PCDHA2: variants seen among roughly 807,000 people sequenced by gnomAD.
PCDHA2 encodes the protein protocadherin alpha-2.
PCDHA2 carries 58 observed loss-of-function variants against 66.0 expected under a neutral mutation model. The ratio of observed to expected loss-of-function variants is 0.88; its 90% CI spans 0.71 to 1.09. The LOEUF is 1.09. Ranked by LOEUF, PCDHA2 falls within the 50% of genes least tolerant of loss-of-function variation. PCDHA2 has a pLI of 0.00. For missense variants in PCDHA2, 1,267 were observed against 1,242.3 expected (o/e 1.02, Z -0.30); for synonymous variants, 634 against 554.0 (o/e 1.14, Z -2.03).
chr5:140,822,168 G>A (rs782246170), intron 1 of PCDHA2: 5 of 1,614,262 alleles, frequency 3.1e-6, no homozygotes, highest in Non-Finnish European at 3.4e-6. Context: ...ATCCGCCCAG[G>A]TTCTCCAGAC....
At chr5:140,799,684 C>T (rs565147277) in intron 1 of PCDHA2, among the ~76,000 whole-genome samples, 1 of 151,928 alleles carries the variant, frequency 6.6e-6, no homozygotes, top group Admixed American at 6.6e-5. Flanking sequence ...TTATCCTATT[C>T]TAAATATGAA....
chr5:140,935,561 T>C (rs1184981109), intron 1 of PCDHA2, among the ~76,000 whole-genome samples: 3 of 152,218 alleles, frequency 2.0e-5, no homozygotes, highest in African/African-American at 7.2e-5. Context: ...TTGGAAAAGT[T>C]CCTCTCTGTG....
At chr5:140,965,238 A>T (rs540671197) in intron 1 of PCDHA2, among the ~76,000 whole-genome samples, 1 of 152,314 alleles carries the variant, frequency 6.6e-6, no homozygotes, top group African/African-American at 2.4e-5. Flanking sequence ...ACCTGGGAAG[A>T]GTGAATATTC....
chr5:140,998,495 C>T (rs782386986), intron 3 of PCDHA2, among the ~76,000 whole-genome samples: 17 of 152,170 alleles, frequency 1.1e-4, no homozygotes, highest in Non-Finnish European at 1.9e-4. Context: ...TCTTTGAGAA[C>T]AGGGTACTTG....
At chr5:140,825,422 A>G (rs2150139462) in intron 1 of PCDHA2, 1 of 147,148 alleles carries the variant, frequency 6.8e-6, no homozygotes, top group Non-Finnish European at 1.5e-5. Context: ...TATAATATAT[A>G]TAATAAATAT....
intron 1 of PCDHA2, among the ~76,000 whole-genome samples, chr5:140,897,463 T>C (rs573452029): frequency 6.6e-6 from 1 of 151,924 alleles, no homozygotes; most frequent in African/African-American, 2.4e-5. Flanking sequence ...CTTGCGATAG[T>C]TTACTGAGAA....
chr5:140,976,702 A>G (rs782610534), intron 1 of PCDHA2, among the ~76,000 whole-genome samples: 2 of 152,220 alleles, frequency 1.3e-5, no homozygotes, highest in Non-Finnish European at 2.9e-5. Context: ...AATAATGTTG[A>G]CTTTGCATTA....
In PCDHA2 at chr5:140,882,793, C is replaced by A. The variant is rs1176435531; in HGVS notation, c.2388+85441C>A. 2.5e-6 allele frequency: 4 copies of A among 1,614,092 alleles called. No individual in the cohort carries two copies. In the Admixed American group the frequency reaches 6.7e-5, roughly 27 times the overall value. On this transcript the variant is annotated intron_variant, in intron 1 of 3. Coordinates refer to ENST00000526136, the MANE Select transcript of PCDHA2 (RefSeq NM_018905.3). ...CATTGACCTACCGACTGGATCCCAA[C>A]GATTATTTCACTTTGGACGCACAAA... is the stretch of plus-strand genomic sequence containing the variant.
At chr5:140,994,704 CA>C (rs1294993555) in intron 3 of PCDHA2, among the ~76,000 whole-genome samples, 1 of 150,730 alleles carries the variant, frequency 6.6e-6, no homozygotes, top group Non-Finnish European at 1.5e-5. Flanking sequence ...GACCCTGTCT[CA>C]AAAAAAAATT....
At chr5:140,822,973 T>G in intron 1 of PCDHA2, 1 of 1,614,248 alleles carries the variant, frequency 6.2e-7, no homozygotes, top group Non-Finnish European at 8.5e-7. Context: ...GGTGTCCACC[T>G]TCAAGAATTA....
At chr5:140,918,232 A>G (rs2078581718) in intron 1 of PCDHA2, among the ~76,000 whole-genome samples, 1 of 152,166 alleles carries the variant, frequency 6.6e-6, no homozygotes, top group African/African-American at 2.4e-5. Flanking sequence ...ATTTTTGTAC[A>G]TTGATTTTGT....
rs183321184 is a variant in PCDHA2 at position 140,907,756 on chromosome 5, C to G, written c.2389-71193C>G. 7.8e-3 allele frequency among the ~76,000 whole-genome samples: 1,193 copies of G among 152,264 alleles called. 22 individuals carry two copies. The highest frequency in any genetic ancestry group is 0.027 in the African/African-American group (1,101 of 41,546). On this transcript the variant is annotated intron_variant, in intron 1 of 3. Coordinates refer to ENST00000526136, the MANE Select transcript of PCDHA2 (RefSeq NM_018905.3). ...CCACCATGGCCACTTTGTTCATGGGCCCATTGGGTGATGACAGGGGTGGCT... is the reference window on the plus strand; with the variant it reads ...CCACCATGGCCACTTTGTTCATGGGGCCATTGGGTGATGACAGGGGTGGCT...
Position 140,797,235 on chromosome 5 carries a change from G to T in PCDHA2, c.2271G>T (p.Arg757Ser). 1.2e-6 allele frequency: 2 copies of T among 1,614,188 alleles called. No individual in the cohort carries two copies. Among genetic ancestry groups the T allele is most frequent in the African/African-American group, 1.3e-5 (1 of 75,060 alleles). The change falls in exon 1 of 4, where the codon AGG becomes AGT. Residue 757 changes from arginine to serine, a missense_variant. Physicochemically the swap from Arg to Ser is moderately radical, Grantham distance 110 (BLOSUM62 -1). Transcript: ENST00000526136. ...CTTACTCGCAGCAGAGGCGGCAGAG[G>T]GTGTGCTCTGGGGAGGACCCCCCCA... Reference protein sequence around the residue: ...SWSYSQQRRQRVCSGEDPPKT... With the variant: ...SWSYSQQRRQSVCSGEDPPKT...
intron 1 of PCDHA2, among the ~76,000 whole-genome samples, chr5:140,962,940 A>G (rs1441801947): frequency 1.3e-5 from 2 of 152,186 alleles, no homozygotes; most frequent in African/African-American, 4.8e-5. Context: ...CCTCCTCTCC[A>G]TAAGATATGC....
At chr5:140,978,851 C>T (rs2096826375) in intron 1 of PCDHA2, 98 bp from the exon 2 acceptor site, 2 of 1,578,528 alleles carry the variant, frequency 1.3e-6, no homozygotes, top group South Asian at 2.3e-5. Flanking sequence ...TTTTTAGATG[C>T]CTGGAAATAT....
At chr5:141,005,114 G>A (rs2098198000) in intron 3 of PCDHA2, among the ~76,000 whole-genome samples, 2 of 152,042 alleles carry the variant, frequency 1.3e-5, no homozygotes, top group African/African-American at 2.4e-5. Flanking sequence ...TTGTCTTTAG[G>A]GACCCCAAAA....
intron 1 of PCDHA2, among the ~76,000 whole-genome samples, chr5:140,900,706 A>G (rs1279378955): frequency 6.6e-6 from 1 of 152,154 alleles, no homozygotes; most frequent in Admixed American, 6.5e-5. Flanking sequence ...GTTCTTTTGG[A>G]AAGAAAGGAA....
chr5:140,877,338 C>G (rs1554169617), intron 1 of PCDHA2: 2 of 1,614,012 alleles, frequency 1.2e-6, no homozygotes, highest in South Asian at 2.2e-5. Flanking sequence ...ACATCCCGTT[C>G]CACGTGGGGC....
intron 1 of PCDHA2, among the ~76,000 whole-genome samples, chr5:140,892,021 G>A (rs2063355611): frequency 6.6e-6 from 1 of 152,160 alleles, no homozygotes; most frequent in Admixed American, 6.5e-5. Context: ...AGCACAAATG[G>A]TCTAAGATAC....
Sources: allele counts gnomAD v4.1 joint callset (sites outside exome capture counted in the v4.1 genomes callset), GRCh38; gene constraint gnomAD v4.1.1; transcripts MANE v1.5; gene names NCBI Gene and HGNC (gene_info 2026-07-23, HGNC 2026-07-21).